THNSL2: variants seen among roughly 807,000 people sequenced by gnomAD.
The protein encoded by THNSL2 is threonine synthase-like 2.
Under a neutral mutation model 40.0 loss-of-function variants are expected in THNSL2, and 34 were observed. The observed-to-expected ratio is 0.85, with a 90% CI of 0.65 to 1.13. The LOEUF is 1.13. THNSL2 is among the 50% of genes most tolerant of loss of function. The pLI, the probability that THNSL2 is intolerant of heterozygous loss-of-function variation, is 0.00. For missense variants in THNSL2, 537 were observed against 608.8 expected (o/e 0.88, Z 1.24); for synonymous variants, 241 against 247.5 (o/e 0.97, Z 0.25).
chr2:88,185,643 G>A (rs749237872), intron 8 of THNSL2, 164 bp downstream of exon 8: 13 of 1,551,576 alleles, frequency 8.4e-6, no homozygotes, highest in Middle Eastern at 1.7e-4. Flanking sequence ...CCAGAAGAGG[G>A]AGCGTGACAG....
At chr2:88,185,674 G>A (rs1678208814) in intron 8 of THNSL2, 195 bp downstream of exon 8, 1 of 1,551,608 alleles carries the variant, frequency 6.4e-7, no homozygotes, top group East Asian at 2.4e-5. Flanking sequence ...GACAGCCATG[G>A]TCAGAGGTGG....
intron 5 of THNSL2, among the ~76,000 whole-genome samples, chr2:88,180,597 A>C (rs1573194794): frequency 4.0e-5 from 6 of 151,182 alleles, no homozygotes; most frequent in African/African-American, 1.5e-4. Flanking sequence ...GTGTTTTGCC[A>C]GGTTAACAGT....
At position 88,186,402 on chromosome 2, in the gene THNSL2, A is replaced by C; in HGVS notation, c.*279A>C. The C allele has an allele frequency of 2.2e-6, 1 of 459,986 alleles. No individual in the cohort carries two copies. Among genetic ancestry groups the C allele is most frequent in the East Asian group, 4.2e-5 (1 of 23,616 alleles). 28.5% of individuals were successfully genotyped at this position (459,986 alleles called of 1,614,324 possible). Reference sequence around the variant, plus strand: ...GTAGTGAAAGTTTCAGGGCCTGCAAAAGAAGAGGCTTGGGCACAGGACTGA... The same window carrying C: ...GTAGTGAAAGTTTCAGGGCCTGCAACAGAAGAGGCTTGGGCACAGGACTGA... On this transcript the variant is annotated 3_prime_UTR_variant, in exon 9 of 9. Transcript: ENST00000674334.
chr2:88,180,672 A>G (rs1677443058), intron 5 of THNSL2, among the ~76,000 whole-genome samples: 1 of 152,212 alleles, frequency 6.6e-6, no homozygotes, highest in African/African-American at 2.4e-5. Context: ...ACTGCTCACG[A>G]AAGCACCATA....
chr2:88,183,718 T>C (rs909464315), intron 7 of THNSL2: 1 of 151,862 alleles, frequency 6.6e-6, no homozygotes, highest in Non-Finnish European at 1.5e-5. Flanking sequence ...CTTGGAATGA[T>C]AGGAATCTAA....
intron 7 of THNSL2, among the ~76,000 whole-genome samples, chr2:88,185,047 G>A (rs1037823485): frequency 6.6e-6 from 1 of 152,174 alleles, no homozygotes; most frequent in Non-Finnish European, 1.5e-5. Context: ...GAGCCTTCTG[G>A]CTGTGGCAAG....
At chr2:88,178,673 G>A (rs1573187850) in intron 4 of THNSL2, 110 bp from the exon 5 acceptor site, 1 of 1,116,726 alleles carries the variant, frequency 9.0e-7, no homozygotes, top group Non-Finnish European at 1.3e-6. Flanking sequence ...GCTGCGCGAA[G>A]GTCCCAGGAG....
Position 88,174,716 on chromosome 2 carries a change from G to A in THNSL2, c.301G>A (p.Val101Met), listed in dbSNP as rs1464134346. ...GTCCAGGTTGAGGAATGGGCTGAAC[G>A]TGTTGGAGCTGTGGCATGGCGTCAC... Reference protein sequence around the residue: ...HLSRLRNGLNVLELWHGVTYA... With the variant: ...HLSRLRNGLNMLELWHGVTYA... Residue 101 changes from valine to methionine, a missense_variant, in exon 3 of 9, where the codon GTG becomes ATG. By Grantham distance (21) the Val-to-Met change is conservative. Coordinates refer to ENST00000674334, the MANE Select transcript of THNSL2 (RefSeq NM_018271.5). The A allele has an allele frequency of 2.5e-6, 4 of 1,614,084 alleles. No homozygotes were observed. The highest frequency in any genetic ancestry group is 1.3e-5 in the African/African-American group (1 of 74,926).
At position 88,174,627 on chromosome 2, in the gene THNSL2, C is replaced by A; in HGVS notation, c.224-12C>A. On this transcript the variant is annotated splice_polypyrimidine_tract_variant and intron_variant, in intron 2 of 8. Coordinates refer to ENST00000674334, the MANE Select transcript of THNSL2 (RefSeq NM_018271.5). The stretch of plus-strand genomic sequence containing the variant: ...GGCCCCTCATTGGCTATCCACCCCA[C>A]TACCCTCACAGATCTGATCGACCGA... The A allele has an allele frequency of 1.2e-6, 2 of 1,612,598 alleles. No homozygotes were observed. The highest frequency in any genetic ancestry group is 1.7e-6 in the Non-Finnish European group (2 of 1,178,774).
intron 5 of THNSL2, among the ~76,000 whole-genome samples, chr2:88,180,772 G>C (rs560992156): frequency 6.6e-6 from 1 of 152,158 alleles, no homozygotes; most frequent in Non-Finnish European, 1.5e-5. Flanking sequence ...AACAAGAACT[G>C]CTGTTGGGGT....
intron 5 of THNSL2, among the ~76,000 whole-genome samples, chr2:88,181,529 C>T (rs1272988919): frequency 5.7e-5 from 4 of 70,334 alleles, no homozygotes; most frequent in Admixed American, 1.4e-4. Context: ...CTCTCTCTCC[C>T]CTCTCTCTCC....
At position 88,171,355 on chromosome 2, in the gene THNSL2, G is replaced by T. The variant is rs113837927; in HGVS notation, c.-13+899G>T. The stretch of plus-strand genomic sequence containing the variant: ...CCTTCCATGACCTGCTCAGAGCCCC[G>T]TGCCAGCCCCTCTGTCCTCTGTTCC... On this transcript the variant is annotated intron_variant, in intron 1 of 8. Transcript: ENST00000674334. The T allele has an allele frequency of 4.7e-3, 2,126 of 456,350 alleles. 6 individuals are homozygous for T. The highest frequency in any genetic ancestry group is 7.4e-3 in the Non-Finnish European group (1,684 of 226,806). 28.3% of individuals were successfully genotyped at this position (456,350 alleles called of 1,614,324 possible). A position where few individuals can be genotyped will look rare whatever the true frequency, so the allele number is the denominator to read the frequency against.
At chr2:88,175,456 T>G (rs755519516) in intron 4 of THNSL2, 55 bp downstream of exon 4, 5 of 1,590,676 alleles carry the variant, frequency 3.1e-6, no homozygotes, top group Non-Finnish European at 4.3e-6. Context: ...TAATTGGGTT[T>G]GCTTTGGGAG....
chr2:88,182,147 T>C (rs1258476990), intron 5 of THNSL2, among the ~76,000 whole-genome samples: 2 of 152,234 alleles, frequency 1.3e-5, no homozygotes, highest in Non-Finnish European at 2.9e-5. Context: ...ATTTCTGGGT[T>C]ATATGATAAC....
intron 1 of THNSL2, 38 bp from the exon 2 acceptor site, chr2:88,173,101 T>C: frequency 1.4e-6 from 2 of 1,440,752 alleles, no homozygotes; most frequent in Non-Finnish European, 1.9e-6. Flanking sequence ...GTGTGGGAGC[T>C]TGGAGACCAG....
At chr2:88,172,832 C>T in intron 1 of THNSL2, 2 of 224,110 alleles carry the variant, frequency 8.9e-6, no homozygotes, top group Non-Finnish European at 1.7e-5. Context: ...TCTGTCCCCA[C>T]CGCCAGGCCT....
chr2:88,185,978 C>T lies in THNSL2; in HGVS notation c.1310C>T (p.Thr437Ile), dbSNP rs1467883319. 2 of 1,613,068 alleles carry T rather than the reference C, an allele frequency of 1.2e-6. No homozygotes were observed. The highest frequency in any genetic ancestry group is 1.7e-5 in the Admixed American group (1 of 59,946). The change falls in exon 9 of 9, where the codon ACT becomes ATT. Residue 437 changes from threonine (T) to isoleucine (I), a missense_variant. Transcript: ENST00000674334. ...CTGGCTGCTGGCCTGACCCCTGAGA[C>T]TCCCGCGGAGATCGTAGCCCTGGAG... ...AVLAAGLTPE[T>I]PAEIVALEHK...
intron 5 of THNSL2, among the ~76,000 whole-genome samples, chr2:88,181,120 CTCCT>C (rs1247652132): frequency 6.3e-4 from 8 of 12,678 alleles, no homozygotes; most frequent in African/African-American, 2.6e-3. Context: ...TCCTCTCTCT[CTCCT>C]CTCTCTCCTC....
intron 3 of THNSL2, 127 bp downstream of exon 3, chr2:88,174,960 C>A: frequency 8.5e-7 from 1 of 1,177,536 alleles, no homozygotes; most frequent in South Asian, 1.5e-5. Flanking sequence ...AGGTTCCTAA[C>A]ATTTTCTGGT....
Sources: gnomAD v4.1 joint callset for allele counts (sites outside exome capture counted in the v4.1 genomes callset) on GRCh38, gnomAD v4.1.1 for gene constraint, MANE v1.5 for transcripts, NCBI Gene and HGNC (gene_info 2026-07-23, HGNC 2026-07-21) for gene names.